The following RDX variants were observed in gnomAD, a reference collection of about 807,000 sequenced individuals.
RDX encodes radixin.
Under a neutral mutation model 83.7 loss-of-function variants are expected in RDX, and 32 were observed. That is an observed-to-expected ratio of 0.38 (90% confidence interval 0.29 to 0.51). The LOEUF (loss-of-function observed/expected upper bound fraction) is 0.51. Ranked by LOEUF, RDX falls within the 20% of genes least tolerant of loss-of-function variation. RDX has a pLI of 0.87. For missense variants in RDX, 600 were observed against 689.9 expected, an observed-to-expected ratio of 0.87 and a Z score of 1.46; for synonymous variants, 229 against 222.7, an observed-to-expected ratio of 1.03 and a Z score of -0.25.
rs1360330604 is a variant in RDX at position 110,222,581 on chromosome 11, G to A, written c.1748+9292C>T. ...GGAGGCCAAGGCAGGTGGATCATAA[G>A]GTCAGGAAATCGAGACCATCCCGGC... On this transcript the variant is annotated intron_variant, in intron 14 of 15. Transcript: ENST00000528498. Among the ~76,000 whole-genome samples the A allele has an allele frequency of 8.6e-4, 131 of 152,316 alleles. 1 individual carries two copies. Among genetic ancestry groups the A allele is most frequent in the Non-Finnish European group, 2.9e-5 (2 of 68,032 alleles).
chr11:110,252,320 A>G (rs1859368718), intron 9 of RDX, among the ~76,000 whole-genome samples: 1 of 152,220 alleles, frequency 6.6e-6, no homozygotes, highest in Non-Finnish European at 1.5e-5. Flanking sequence ...TTACCAAATG[A>G]TACTAAGTAA....
chr11:110,281,170 A>G (rs532666624), intron 1 of RDX, among the ~76,000 whole-genome samples: 2 of 152,308 alleles, frequency 1.3e-5, no homozygotes, highest in East Asian at 3.9e-4. Context: ...GTTTCTAAAA[A>G]ACAAAAAAAG....
intron 3 of RDX, 46 bp downstream of exon 3, chr11:110,272,490 T>C (rs1194459574): frequency 8.2e-7 from 1 of 1,217,764 alleles, no homozygotes; most frequent in South Asian, 1.2e-5. Flanking sequence ...TGCAACAACA[T>C]TCACACTATG....
intron 2 of RDX, among the ~76,000 whole-genome samples, chr11:110,279,475 G>T (rs148099207): frequency 4.6e-5 from 7 of 152,150 alleles, no homozygotes; most frequent in South Asian, 2.1e-4. Context: ...GCAGTGAGCC[G>T]ACATGGTCCC....
downstream of RDX, among the ~76,000 whole-genome samples, chr11:110,228,783 G>A (rs1864515457): frequency 6.6e-6 from 1 of 151,388 alleles, no homozygotes; most frequent in Non-Finnish European, 1.5e-5. Context: ...ACTTTATAAG[G>A]GGCCATTCCA....
intron 10 of RDX, among the ~76,000 whole-genome samples, chr11:110,245,084 C>G (rs1859043916): frequency 1.3e-5 from 2 of 151,592 alleles, no homozygotes; most frequent in Admixed American, 1.3e-4. Context: ...CCTGCCTCGG[C>G]CTCCCTAGTA....
downstream of RDX, among the ~76,000 whole-genome samples, chr11:110,224,759 TAC>T (rs951757109): frequency 1.3e-5 from 2 of 152,194 alleles, no homozygotes; most frequent in Admixed American, 1.3e-4. Flanking sequence ...GAGAGCAAAT[TAC>T]ACTTAGACAT....
intron 14 of RDX, among the ~76,000 whole-genome samples, chr11:110,202,398 A>C (rs1231433968): frequency 6.6e-6 from 1 of 151,996 alleles, no homozygotes; most frequent in Non-Finnish European, 1.5e-5. Context: ...CATCTAAAAA[A>C]AAAAATCTGT....
chr11:110,244,219 G>A (rs1273802514), intron 10 of RDX, among the ~76,000 whole-genome samples: 1 of 151,822 alleles, frequency 6.6e-6, no homozygotes, highest in African/African-American at 2.4e-5. Context: ...AAAATTAGCT[G>A]GGTGTGGTGG....
intron 14 of RDX, among the ~76,000 whole-genome samples, chr11:110,206,111 G>A (rs1350973128): frequency 6.6e-6 from 1 of 151,978 alleles, no homozygotes; most frequent in African/African-American, 2.4e-5. Flanking sequence ...AAAAAAATTA[G>A]CTGGGTGTGG....
At chr11:110,250,242 C>T (rs1474996932) in intron 9 of RDX, among the ~76,000 whole-genome samples, 1 of 152,184 alleles carries the variant, frequency 6.6e-6, no homozygotes, top group Non-Finnish European at 1.5e-5. Flanking sequence ...AAACATCACG[C>T]TTTGTGTGAA....
chr11:110,227,245 T>C (rs1864465370), downstream of RDX, among the ~76,000 whole-genome samples: 1 of 152,112 alleles, frequency 6.6e-6, no homozygotes, highest in Non-Finnish European at 1.5e-5. Flanking sequence ...TTTCATATAA[T>C]AAATCCATGT....
chr11:110,235,464 T>C (rs956045329), intron 12 of RDX, among the ~76,000 whole-genome samples: 1 of 152,172 alleles, frequency 6.6e-6, no homozygotes, highest in South Asian at 2.1e-4. Context: ...TCAGTTTGGG[T>C]CTTTATCTCT....
At chr11:110,190,412 C>A (rs991422864) in intron 15 of RDX, among the ~76,000 whole-genome samples, 1 of 152,160 alleles carries the variant, frequency 6.6e-6, no homozygotes, top group Non-Finnish European at 1.5e-5. Context: ...CGAGACTGTG[C>A]CACTGTACTT....
At chr11:110,236,509 A>T (rs569087086) in intron 11 of RDX, 1 of 285,852 alleles carries the variant, frequency 3.5e-6, no homozygotes, top group Non-Finnish European at 6.6e-6. Flanking sequence ...TAAAGTCCAC[A>T]AAAGATAAAA....
intron 5 of RDX, among the ~76,000 whole-genome samples, chr11:110,259,656 G>T (rs1056916597): frequency 1.3e-5 from 2 of 152,162 alleles, no homozygotes; most frequent in South Asian, 2.1e-4. Flanking sequence ...AGAGAGCTTA[G>T]GTTTCCACAG....
intron 10 of RDX, among the ~76,000 whole-genome samples, chr11:110,238,585 T>C (rs1384623829): frequency 6.6e-6 from 1 of 152,184 alleles, no homozygotes; most frequent in East Asian, 1.9e-4. Flanking sequence ...GTTCTTAATT[T>C]TCTTGGTCTT....
intron 2 of RDX, among the ~76,000 whole-genome samples, chr11:110,277,441 T>G (rs866424226): frequency 6.6e-6 from 1 of 152,258 alleles, no homozygotes; most frequent in Middle Eastern, 3.4e-3. Context: ...TGCCTCAGCC[T>G]CCCAAGTAGC....
At chr11:110,228,156 GA>G (rs1313070788), downstream of RDX, among the ~76,000 whole-genome samples, 5 of 152,032 alleles carry the variant, frequency 3.3e-5, no homozygotes, top group African/African-American at 4.8e-5. Flanking sequence ...TATTTAACTG[GA>G]AAAGCTAAGG....
Sources: allele counts gnomAD v4.1 joint callset (sites outside exome capture counted in the v4.1 genomes callset), GRCh38; gene constraint gnomAD v4.1.1; transcripts MANE v1.5; gene names NCBI Gene and HGNC (gene_info 2026-07-23, HGNC 2026-07-21).